The following PIK3AP1 variants were observed in gnomAD, a reference collection of about 807,000 sequenced individuals.
PIK3AP1 encodes the protein phosphoinositide-3-kinase adaptor protein 1, also known as phosphoinositide 3-kinase adapter protein 1.
In PIK3AP1, 21 loss-of-function variants were observed where a neutral mutation model predicts 88.1. The observed-to-expected ratio is 0.24, with a 90% CI of 0.17 to 0.34. The LOEUF (loss-of-function observed/expected upper bound fraction) is 0.34, where lower values mean the gene tolerates loss of function less well. PIK3AP1 is among the 10% of genes least tolerant of loss of function. The pLI is 1.00. For missense variants in PIK3AP1, 828 were observed against 1,035.7 expected, an observed-to-expected ratio of 0.80 and a Z score of 2.75; for synonymous variants, 398 against 400.0, an observed-to-expected ratio of 1.00 and a Z score of 0.06.
intron 3 of PIK3AP1, 76 bp from the exon 4 acceptor site, chr10:96,652,918 G>A: frequency 6.6e-7 from 1 of 1,510,010 alleles, no homozygotes; most frequent in South Asian, 1.2e-5. Flanking sequence ...GGTCTCCCCA[G>A]CTCTCTTGCC....
Position 96,673,505 on chromosome 10 carries a change from C to CG in PIK3AP1, c.431-16572dup, listed in dbSNP as rs1414762191. On this transcript the variant is annotated intron_variant, in intron 2 of 16. Transcript: ENST00000339364. ...AAGCAGGAGCTACCACAGCCCCCCC[C>CG]GAAAGGCTTCCTCTTTCTTCATCTC... Among the ~76,000 whole-genome samples, 6 of 152,204 alleles carry CG rather than the reference C, an allele frequency of 3.9e-5. No homozygotes were observed. In the East Asian group the frequency reaches 1.2e-3, roughly 29 times the overall value.
chr10:96,720,276 C>T lies in PIK3AP1; in HGVS notation c.13+106G>A. The T allele has an allele frequency of 3.6e-6, 4 of 1,109,218 alleles. No homozygotes were observed. Among genetic ancestry groups the T allele is most frequent in the East Asian group, 3.2e-5 (1 of 30,854 alleles). 68.7% of individuals were successfully genotyped at this position (1,109,218 alleles called of 1,614,324 possible). On this transcript the variant is annotated intron_variant, in intron 1 of 16. Transcript: ENST00000339364. This position sits in a 1 kb window ranked among gnomAD's most constrained non-coding sequence, Gnocchi z 4.6. ...AAGAGCAGAAAGAGGGCAAGATCCC[C>T]GCACAGAGGACGCAAACAGAAGCAA...
chr10:96,658,894 C>T lies in PIK3AP1; in HGVS notation c.431-1960G>A, dbSNP rs528631165. Among the ~76,000 whole-genome samples the T allele has an allele frequency of 2.2e-4, 33 of 150,736 alleles. 1 individual carries two copies. In the South Asian group the frequency reaches 6.8e-3, roughly 31 times the overall value. ...CATCAGAACCATCGGTCTCCTCCAA[C>T]TCTCCTTTCTAATTCTCCTGGCTCT... On this transcript the variant is annotated intron_variant, in intron 2 of 16. Coordinates refer to ENST00000339364, the MANE Select transcript of PIK3AP1 (RefSeq NM_152309.3).
At chr10:96,667,794 A>G (rs1992056) in intron 2 of PIK3AP1, among the ~76,000 whole-genome samples, 69,562 of 147,068 alleles carry the variant, frequency 0.47, 15,936 homozygotes, top group East Asian at 0.63. Flanking sequence ...CACTTAAATC[A>G]AAAAGAAAAG....
chr10:96,658,063 CA>C (rs10706863), intron 2 of PIK3AP1, among the ~76,000 whole-genome samples: 41,015 of 113,694 alleles, frequency 0.36, 5,842 homozygotes, highest in East Asian at 0.44. Context: ...AACTCCATCT[CA>C]AAAAAAAAAA....
At chr10:96,698,733 A>AAAATAAAT (rs913937319) in intron 2 of PIK3AP1, among the ~76,000 whole-genome samples, 1 of 151,694 alleles carries the variant, frequency 6.6e-6, no homozygotes, top group East Asian at 2.0e-4. Flanking sequence ...ACTCTGTCTC[A>AAAATAAAT]AAATAAATAA....
chr10:96,651,297 T>A lies in PIK3AP1; in HGVS notation c.939A>T (p.Gly313=), dbSNP rs773692568. The change falls in exon 6 of 17, where the codon GGA becomes GGT. Residue 313 remains glycine (G), a synonymous_variant. Transcript: ENST00000339364. ...GCTGGTTGATTCCAAAGAGGTGCAG[T>A]CCGCTTGCAGGGATATTGTTCTTCA... ...ESLKNNIPAS[G]LHLFGINQLE... 3.1e-6 allele frequency: 5 copies of A among 1,614,194 alleles called. No individual in the cohort carries two copies. In the East Asian group the frequency reaches 1.1e-4, roughly 36 times the overall value.
At chr10:96,693,181 C>G (rs904108564) in intron 2 of PIK3AP1, among the ~76,000 whole-genome samples, 1 of 152,234 alleles carries the variant, frequency 6.6e-6, no homozygotes, top group Admixed American at 6.5e-5. Flanking sequence ...ATTTGAAATT[C>G]TCACATTCAT....
intron 2 of PIK3AP1, among the ~76,000 whole-genome samples, chr10:96,679,593 T>A (rs559225812): frequency 1.3e-5 from 2 of 152,200 alleles, no homozygotes; most frequent in South Asian, 4.1e-4. Context: ...CCTTGCAGAA[T>A]CTGTTAAGAT....
intron 8 of PIK3AP1, among the ~76,000 whole-genome samples, chr10:96,628,889 C>CACACACACACATATAT (rs1554955372): frequency 3.3e-5 from 2 of 60,842 alleles, no homozygotes; most frequent in African/African-American, 1.2e-4. Flanking sequence ...TATATATATA[C>CACACACACACATATAT]ATATATATAT....
At chr10:96,635,929 C>T (rs1285362836) in intron 8 of PIK3AP1, among the ~76,000 whole-genome samples, 9 of 151,466 alleles carry the variant, frequency 5.9e-5, no homozygotes, top group South Asian at 4.2e-4. Flanking sequence ...AAAACTAGGC[C>T]GGGCACGGTG....
intron 8 of PIK3AP1, among the ~76,000 whole-genome samples, chr10:96,638,134 G>GA (rs1482305639): frequency 6.6e-6 from 1 of 152,164 alleles, no homozygotes; most frequent in African/African-American, 2.4e-5. Flanking sequence ...GCCATGATTT[G>GA]AATGTGTGCC....
chr10:96,628,336 C>A (rs908784619), intron 9 of PIK3AP1, 62 bp downstream of exon 9: 2 of 1,359,656 alleles, frequency 1.5e-6, no homozygotes, highest in Non-Finnish European at 2.1e-6. Flanking sequence ...GAGAACCAGA[C>A]AATGTCTTGC....
intron 3 of PIK3AP1, 39 bp from the exon 4 acceptor site, chr10:96,652,881 A>G (rs2134235771): frequency 6.2e-7 from 1 of 1,601,402 alleles, no homozygotes; most frequent in African/African-American, 1.3e-5. Flanking sequence ...TCTCCCTCTC[A>G]GATCCCCGTA....
At position 96,623,542 on chromosome 10, in the gene PIK3AP1, G is replaced by C; in HGVS notation, c.1670-5C>G. 6.3e-7 allele frequency: 1 copy of C among 1,595,302 alleles called. No individual in the cohort carries two copies. The highest frequency in any genetic ancestry group is 8.6e-7 in the Non-Finnish European group (1 of 1,164,188). The stretch of plus-strand genomic sequence containing the variant: ...CTTGACTTTTTTCTGCAAAAACTAT[G>C]AGATAAAGAATATTCTGATTACTGA... On this transcript the variant is annotated splice_region_variant and splice_polypyrimidine_tract_variant and intron_variant, in intron 10 of 16. Transcript: ENST00000339364.
intron 2 of PIK3AP1, among the ~76,000 whole-genome samples, chr10:96,677,171 G>A (rs1377181276): frequency 6.6e-6 from 1 of 152,084 alleles, no homozygotes; most frequent in Non-Finnish European, 1.5e-5. Context: ...CCATCATCAG[G>A]GAGAAACACC....
At chr10:96,675,875 C>T (rs1442618032) in intron 2 of PIK3AP1, among the ~76,000 whole-genome samples, 1 of 152,074 alleles carries the variant, frequency 6.6e-6, no homozygotes, top group African/African-American at 2.4e-5. Context: ...AGAACAGCCC[C>T]CACTGTTGCA....
intron 8 of PIK3AP1, among the ~76,000 whole-genome samples, chr10:96,628,875 C>CACACACACATATATAT (rs1564961141): frequency 2.2e-5 from 2 of 90,910 alleles, no homozygotes; most frequent in Non-Finnish European, 4.4e-5. Context: ...CATATATACA[C>CACACACACATATATAT]ATATATATAT....
chr10:96,686,709 CAG>C (rs753222529), intron 2 of PIK3AP1, among the ~76,000 whole-genome samples: 2 of 152,124 alleles, frequency 1.3e-5, no homozygotes, highest in Admixed American at 6.5e-5. Flanking sequence ...CTGTTAAATA[CAG>C]AGACAGCACA....
Sources: allele counts gnomAD v4.1 joint callset (sites outside exome capture counted in the v4.1 genomes callset), GRCh38; gene constraint gnomAD v4.1.1; non-coding constraint Gnocchi (gnomAD v3.1); transcripts MANE v1.5; gene names NCBI Gene and HGNC (gene_info 2026-07-23, HGNC 2026-07-21).